Variants in TRIM36 observed in about 807,000 individuals in gnomAD.
The protein encoded by TRIM36 is E3 ubiquitin-protein ligase TRIM36.
A neutral mutation model predicts 72.4 loss-of-function variants in TRIM36; 42 were observed. The observed-to-expected ratio is 0.58, with a 90% CI of 0.45 to 0.75. The LOEUF (loss-of-function observed/expected upper bound fraction) is 0.75. TRIM36 is among the 30% of genes least tolerant of loss of function. The pLI, the probability that TRIM36 is intolerant of heterozygous loss-of-function variation, is 0.00. For missense variants in TRIM36, 913 were observed against 857.1 expected (o/e 1.07, Z -0.81); for synonymous variants, 315 against 282.8 (o/e 1.11, Z -1.14).
chr5:115,156,092 A>G (rs1754163553), intron 2 of TRIM36, among the ~76,000 whole-genome samples: 1 of 152,190 alleles, frequency 6.6e-6, no homozygotes. Flanking sequence ...AAAACTTAGG[A>G]ATATACTCAA....
intron 2 of TRIM36, among the ~76,000 whole-genome samples, chr5:115,154,424 T>C (rs904518267): frequency 6.7e-6 from 1 of 149,786 alleles, no homozygotes; most frequent in Admixed American, 6.6e-5. Flanking sequence ...CGAAGATTAA[T>C]AAAATTGATA....
chr5:115,179,156 G>A (rs145008577), intron 1 of TRIM36, among the ~76,000 whole-genome samples: 2 of 152,296 alleles, frequency 1.3e-5, no homozygotes, highest in Admixed American at 6.5e-5. Flanking sequence ...TGCAGCCTCC[G>A]TACTTCCCGA....
Position 115,147,300 on chromosome 5 carries a change from A to G in TRIM36, c.357T>C (p.Gly119=), listed in dbSNP as rs751569497. The change falls in exon 3 of 10, where the codon GGT becomes GGC. Residue 119 remains glycine, a synonymous_variant. Transcript: ENST00000513154. ...TTTCCAAAGTGAAGTTTCGAAACAG[A>G]CCATTGATTCCTCGTTCTCCAAGAT... is the stretch of plus-strand genomic sequence containing the variant. The part of the protein sequence containing the change: ...DVDLGERGIN[G]LFRNFTLETI... The G allele has an allele frequency of 2.5e-6, 4 of 1,614,112 alleles. No individual in the cohort carries two copies. The highest frequency in any genetic ancestry group is 1.3e-5 in the African/African-American group (1 of 74,950).
intron 5 of TRIM36, among the ~76,000 whole-genome samples, chr5:115,139,475 A>G (rs1169049724): frequency 6.6e-6 from 1 of 152,214 alleles, no homozygotes; most frequent in Non-Finnish European, 1.5e-5. Flanking sequence ...TGCATTATCC[A>G]TTGGCTTTCA....
chr5:115,148,289 T>G, intron 2 of TRIM36: 1 of 958,624 alleles, frequency 1.0e-6, no homozygotes, highest in Non-Finnish European at 1.2e-6. Context: ...TGTTCAGTAT[T>G]ATCCCAATTT....
chr5:115,150,459 T>G (rs1753828954), intron 2 of TRIM36, among the ~76,000 whole-genome samples: 1 of 152,224 alleles, frequency 6.6e-6, no homozygotes, highest in African/African-American at 2.4e-5. Flanking sequence ...TAGTAGAAAG[T>G]TCTATTGCAT....
Position 115,144,756 on chromosome 5 carries a change from A to G in TRIM36, c.589-12T>C. ...GGGCACATTAAAATCTATTGAGTAAAGAATAAAAGTGTGATTAAGGATCTA... is the reference window on the plus strand; with the variant it reads ...GGGCACATTAAAATCTATTGAGTAAGGAATAAAAGTGTGATTAAGGATCTA... On this transcript the variant is annotated splice_polypyrimidine_tract_variant and intron_variant, in intron 3 of 9. Coordinates refer to ENST00000513154, the MANE Select transcript of TRIM36 (RefSeq NM_001300759.2). The G allele has an allele frequency of 6.2e-7, 1 of 1,604,370 alleles. No individual in the cohort carries two copies. Among genetic ancestry groups the G allele is most frequent in the Non-Finnish European group, 8.5e-7 (1 of 1,176,636 alleles).
In TRIM36 at chr5:115,134,155, A is replaced by C. The variant is rs1454595874; in HGVS notation, c.1211-8T>G. 2.6e-6 allele frequency: 4 copies of C among 1,537,496 alleles called. No individual in the cohort carries two copies. The African/African-American group carries it at 5.6e-5, about 21-fold the overall frequency. ...TCTCTGGCACGTCTATGCCTGAAAG[A>C]ATTATGAAATAGAAAACAACATTAA... On this transcript the variant is annotated splice_polypyrimidine_tract_variant and splice_region_variant and intron_variant, in intron 7 of 9. Coordinates refer to ENST00000513154, the MANE Select transcript of TRIM36 (RefSeq NM_001300759.2).
At chr5:115,161,910 G>A (rs1424406116) in intron 2 of TRIM36, among the ~76,000 whole-genome samples, 1 of 152,170 alleles carries the variant, frequency 6.6e-6, no homozygotes, top group Non-Finnish European at 1.5e-5. Context: ...GTTTGGCCCT[G>A]CAGCATCTAA....
intron 1 of TRIM36, among the ~76,000 whole-genome samples, chr5:115,167,774 A>T (rs937388876): frequency 6.6e-6 from 1 of 152,156 alleles, no homozygotes; most frequent in African/African-American, 2.4e-5. Flanking sequence ...TCACTTCCAC[A>T]TTGTTGGGTA....
intron 2 of TRIM36, among the ~76,000 whole-genome samples, chr5:115,154,194 G>A (rs528688616): frequency 2.1e-5 from 3 of 142,574 alleles, no homozygotes; most frequent in African/African-American, 5.0e-5. Context: ...GCAGTGCTAA[G>A]ACGAAAGTTC....
In TRIM36 at chr5:115,163,694, G is replaced by A. The variant is rs753593534; in HGVS notation, c.86C>T (p.Thr29Ile). Residue 29 changes from threonine (T) to isoleucine (I), a missense_variant, in exon 2 of 10, where the codon ACC becomes ATC. Transcript: ENST00000513154. ...LICPACKELF[T>I]HPLILPCQHS... ...TTGGCAAGGGAGAATCAATGGGTGG[G>A]TAAACAGCTCCTTGCATGCTGGGCA... The A allele has an allele frequency of 2.5e-6, 4 of 1,614,064 alleles. No individual in the cohort carries two copies. In the East Asian group the frequency reaches 6.7e-5, roughly 27 times the overall value.
intron 1 of TRIM36, among the ~76,000 whole-genome samples, chr5:115,175,035 C>A (rs1200528492): frequency 6.6e-6 from 1 of 151,990 alleles, no homozygotes; most frequent in East Asian, 1.9e-4. Context: ...TCTTATTATT[C>A]TTCCCTGTAG....
At chr5:115,128,987 T>C (rs190465275) in intron 9 of TRIM36, among the ~76,000 whole-genome samples, 8 of 152,126 alleles carry the variant, frequency 5.3e-5, no homozygotes, top group African/African-American at 1.7e-4. Context: ...CCTATAGAAG[T>C]ATACAATTTT....
At chr5:115,177,810 C>A (rs1232700085) in intron 1 of TRIM36, 1 of 1,613,988 alleles carries the variant, frequency 6.2e-7, no homozygotes, top group Non-Finnish European at 8.5e-7. Flanking sequence ...GACAGCGGGC[C>A]TCTCCACCTT....
At chr5:115,163,465 A>T in intron 2 of TRIM36, 53 bp downstream of exon 2, 1 of 1,457,904 alleles carries the variant, frequency 6.9e-7, no homozygotes, top group South Asian at 1.1e-5. Flanking sequence ...CACTGAATAT[A>T]TATCTATAAG....
intron 1 of TRIM36, chr5:115,177,103 T>C (rs545200721): frequency 6.6e-6 from 1 of 152,462 alleles, no homozygotes; most frequent in South Asian, 2.1e-4. Flanking sequence ...ACATACGGTA[T>C]GCTAATTTAA....
rs367577579 is a variant in TRIM36, at chr5:115,157,713, G to GA, written c.262+5804dup. Among the ~76,000 whole-genome samples, 409 of 152,216 alleles carry GA rather than the reference G, an allele frequency of 2.7e-3. 1 individual carries two copies. Among genetic ancestry groups the GA allele is most frequent in the Non-Finnish European group, 3.8e-3 (258 of 68,016 alleles). On this transcript the variant is annotated intron_variant, in intron 2 of 9. Transcript: ENST00000513154. The stretch of plus-strand genomic sequence containing the variant: ...CACAAGTAGCAGTTGCAAAAACGTG[G>GA]AAAAAACCCAAATGCCTATGAATTG...
At chr5:115,170,849 G>T (rs1445294996), upstream of TRIM36, among the ~76,000 whole-genome samples, 1 of 152,206 alleles carries the variant, frequency 6.6e-6, no homozygotes, top group Non-Finnish European at 1.5e-5. Context: ...CCGCACCCCC[G>T]CGGGGAGTGC....
Sources: gnomAD v4.1 joint callset for allele counts (sites outside exome capture counted in the v4.1 genomes callset) on GRCh38, gnomAD v4.1.1 for gene constraint, MANE v1.5 for transcripts, NCBI Gene and HGNC (gene_info 2026-07-23, HGNC 2026-07-21) for gene names.